The following C13orf46 variants were observed in gnomAD, a reference collection of about 807,000 sequenced individuals.
C13orf46 encodes the protein chromosome 13 open reading frame 46.
At chr13:113,971,193 C>T (rs931906190) in intron 1 of C13orf46, among the ~76,000 whole-genome samples, 4 of 152,220 alleles carry the variant, frequency 2.6e-5, no homozygotes, top group East Asian at 1.9e-4. Flanking sequence ...CTTCCCACAA[C>T]ACCCCCTTGG....
the C13orf46 span, among the ~76,000 whole-genome samples, chr13:113,945,666 AAGAAAGGAAAGAAAAAC>A: frequency 1.2e-4 from 17 of 136,950 alleles, 1 homozygote; most frequent in African/African-American, 2.2e-4. Context: ...GAAAGAAAGA[AAGAAAGGAAAGAAAAAC>A]AAACCAAGTC....
chr13:113,948,034 T>C, the C13orf46 span, among the ~76,000 whole-genome samples: 1 of 152,226 alleles, frequency 6.6e-6, no homozygotes, highest in African/African-American at 2.4e-5. Context: ...GGCTGACCCA[T>C]GAAAAGCCCA....
the C13orf46 span, among the ~76,000 whole-genome samples, chr13:113,939,499 G>A: frequency 6.6e-6 from 1 of 152,206 alleles, no homozygotes; most frequent in African/African-American, 2.4e-5. Flanking sequence ...CACGTTGATG[G>A]GGAGGACAGA....
the C13orf46 span, chr13:113,927,405 CT>C: frequency 2.5e-6 from 1 of 396,680 alleles, no homozygotes; most frequent in Non-Finnish European, 4.4e-6. Flanking sequence ...CACCTCCCCC[CT>C]CTCCACCCTC....
At chr13:113,945,605 G>GAAAGA in the C13orf46 span, among the ~76,000 whole-genome samples, 153 of 93,672 alleles carry the variant, frequency 1.6e-3, no homozygotes, top group African/African-American at 2.0e-3. Flanking sequence ...AAGAAAGAAA[G>GAAAGA]AAGAAAGAAA....
intron 2 of C13orf46, among the ~76,000 whole-genome samples, chr13:113,969,185 C>A (rs1481904835): frequency 6.6e-6 from 1 of 152,280 alleles, no homozygotes; most frequent in Non-Finnish European, 1.5e-5. Flanking sequence ...GTTACTCGCA[C>A]CAACCTCGTG....
the C13orf46 span, among the ~76,000 whole-genome samples, chr13:113,929,160 C>T: frequency 4.6e-5 from 7 of 152,364 alleles, no homozygotes; most frequent in South Asian, 1.4e-3. Context: ...GAAGCAGAGG[C>T]AGCCATGGGG....
chr13:113,951,700 T>C (rs1158792775), downstream of C13orf46, among the ~76,000 whole-genome samples: 5 of 152,186 alleles, frequency 3.3e-5, no homozygotes, highest in East Asian at 1.9e-4. Flanking sequence ...GGCCCCACTG[T>C]AGTCACTCAC....
chr13:113,956,608 A>G lies in C13orf46; in HGVS notation c.*165T>C, dbSNP rs1299734497. The G allele has an allele frequency of 6.6e-6, 1 of 152,330 alleles. No individual in the cohort carries two copies. The allele number at this position is 152,330 out of a possible 1,614,324, so 9.4% of individuals were successfully genotyped here. On this transcript the variant is annotated 3_prime_UTR_variant, in exon 7 of 7. Coordinates refer to ENST00000636427, the MANE Select transcript of C13orf46 (RefSeq NM_001365455.2). ...GCTCTCGCTCCTTCCAGGCCTGGCC[A>G]GTCCCACAAGAAGAAAACAGAAACC...
downstream of C13orf46, among the ~76,000 whole-genome samples, chr13:113,951,941 C>G (rs908344457): frequency 6.6e-6 from 1 of 152,348 alleles, no homozygotes; most frequent in South Asian, 2.1e-4. Flanking sequence ...CAACCTATGC[C>G]TCTCTCCGTA....
intron 1 of C13orf46, among the ~76,000 whole-genome samples, chr13:113,971,733 G>A (rs563495135): frequency 6.6e-6 from 1 of 152,348 alleles, no homozygotes; most frequent in Non-Finnish European, 1.5e-5. Flanking sequence ...CGTGGCACTG[G>A]GCATGTCATG....
chr13:113,951,167 C>T (rs963512629), downstream of C13orf46, among the ~76,000 whole-genome samples: 15,228 of 152,212 alleles, frequency 0.1, 992 homozygotes, highest in Middle Eastern at 0.15. Context: ...GTGACAGCCC[C>T]GTCCCCCTCC....
chr13:113,967,583 T>C (rs1229700049), intron 4 of C13orf46, among the ~76,000 whole-genome samples, 195 bp from the exon 5 acceptor site: 1 of 152,128 alleles, frequency 6.6e-6, no homozygotes, highest in Non-Finnish European at 1.5e-5. Flanking sequence ...GACGGCAGTA[T>C]GGACTGTGAG....
chr13:113,934,957 GT>G, the C13orf46 span, among the ~76,000 whole-genome samples: 4 of 152,370 alleles, frequency 2.6e-5, no homozygotes, highest in South Asian at 2.1e-4. Context: ...TATTGGCCCT[GT>G]GGGGAGCTGA....
downstream of C13orf46, among the ~76,000 whole-genome samples, chr13:113,951,714 C>T (rs1037973048): frequency 3.9e-5 from 6 of 152,226 alleles, no homozygotes; most frequent in Non-Finnish European, 8.8e-5. Flanking sequence ...CACTCACAGG[C>T]GTCGCCAGGC....
At position 113,956,477 on chromosome 13, in the gene C13orf46, ACC is replaced by A. The variant is rs1196828785; in HGVS notation, c.*294_*295del. 1.3e-5 allele frequency: 2 copies of A among 154,818 alleles called. No individual in the cohort carries two copies. The highest frequency in any genetic ancestry group is 4.8e-5 in the African/African-American group (2 of 41,394). 9.6% of individuals were successfully genotyped at this position (154,818 alleles called of 1,614,324 possible). A position where few individuals can be genotyped will look rare whatever the true frequency, so the allele number is the denominator to read the frequency against. On this transcript the variant is annotated 3_prime_UTR_variant, in exon 7 of 7. Coordinates refer to ENST00000636427, the MANE Select transcript of C13orf46 (RefSeq NM_001365455.2). ...TTTGTTGAAGGTCACGTCATCACTCACCCAGTGGGCAGTGGGTTTCAGGCGTG... is the reference window on the plus strand; with the variant it reads ...TTTGTTGAAGGTCACGTCATCACTCACAGTGGGCAGTGGGTTTCAGGCGTG...
rs2052500610 is a variant in C13orf46 at position 113,953,949 on chromosome 13, T to A, written c.*2824A>T. On this transcript the variant is annotated 3_prime_UTR_variant, in exon 7 of 7. Transcript: ENST00000636427. ...TGGGAAATGATGACTCTGGGGCCGA[T>A]GGGCACTTATCTTCTGTGGTGTCTT... 1 of 152,346 alleles carries A rather than the reference T, an allele frequency of 6.6e-6. No homozygotes were observed. 9.4% of individuals were successfully genotyped at this position (152,346 alleles called of 1,614,324 possible). A position where few individuals can be genotyped will look rare whatever the true frequency, so the allele number is the denominator to read the frequency against.
At chr13:113,945,266 T>C in the C13orf46 span, among the ~76,000 whole-genome samples, 9 of 152,122 alleles carry the variant, frequency 5.9e-5, no homozygotes, top group African/African-American at 1.9e-4. Context: ...ACATGGCTTG[T>C]GGTCCACTGA....
downstream of C13orf46, among the ~76,000 whole-genome samples, chr13:113,951,808 C>G (rs949940066): frequency 6.6e-6 from 1 of 152,236 alleles, no homozygotes; most frequent in African/African-American, 2.4e-5. Context: ...CGACTGTCTA[C>G]GACGCCCAGA....
Sources: gnomAD v4.1 joint callset for allele counts (sites outside exome capture counted in the v4.1 genomes callset) on GRCh38, gnomAD v4.1.1 for gene constraint, MANE v1.5 for transcripts, NCBI Gene and HGNC (gene_info 2026-07-23, HGNC 2026-07-21) for gene names.